NRXN1: variants seen among roughly 807,000 people sequenced by gnomAD.
The protein encoded by NRXN1 is neurexin 1.
Under a neutral mutation model 150.9 loss-of-function variants are expected in NRXN1, and 39 were observed. The ratio of observed to expected loss-of-function variants is 0.26; its 90% confidence interval spans 0.20 to 0.34. The LOEUF is 0.34. Among genes scored for constraint, NRXN1 ranks in the 10% least tolerant of loss-of-function variants. The pLI, the probability that NRXN1 is intolerant of heterozygous loss-of-function variation, is 1.00. For synonymous variants in NRXN1, 924 were observed against 757.0 expected (o/e 1.22, Z -3.62); for missense variants, 1,815 against 1,949.9 (o/e 0.93, Z 1.30).
chr2:50,512,842 A>G (rs960285996), intron 12 of NRXN1, among the ~76,000 whole-genome samples: 2 of 152,196 alleles, frequency 1.3e-5, no homozygotes, highest in African/African-American at 4.8e-5. Flanking sequence ...TACAATTTAC[A>G]AAGAACCTCA....
At chr2:50,638,199 A>T (rs950309066) in intron 5 of NRXN1, among the ~76,000 whole-genome samples, 1 of 152,142 alleles carries the variant, frequency 6.6e-6, no homozygotes, top group African/African-American at 2.4e-5. Context: ...TTTCTACAAG[A>T]GTATATTTCC....
intron 2 of NRXN1, among the ~76,000 whole-genome samples, chr2:51,002,695 C>A (rs959393252): frequency 6.6e-6 from 1 of 151,862 alleles, no homozygotes; most frequent in Admixed American, 6.6e-5. Context: ...TTACATCATA[C>A]ATGCAAGATG....
At chr2:50,964,130 A>C (rs1273379610) in intron 2 of NRXN1, 2 of 293,200 alleles carry the variant, frequency 6.8e-6, no homozygotes, top group African/African-American at 4.4e-5. Context: ...TTGTCATCTC[A>C]ACTATTGATA....
At chr2:50,926,335 T>A (rs995054304) in intron 2 of NRXN1, among the ~76,000 whole-genome samples, 2 of 151,942 alleles carry the variant, frequency 1.3e-5, no homozygotes, top group African/African-American at 4.8e-5. Flanking sequence ...TATTTCCACA[T>A]ACTGATTTGG....
intron 5 of NRXN1, among the ~76,000 whole-genome samples, chr2:50,646,408 C>G (rs1406783147): frequency 1.3e-5 from 2 of 151,976 alleles, no homozygotes; most frequent in Non-Finnish European, 2.9e-5. Context: ...TGTTTAGTGA[C>G]TGGGGTGACT....
intron 8 of NRXN1, among the ~76,000 whole-genome samples, chr2:50,561,522 T>C (rs1669079399): frequency 6.6e-6 from 1 of 152,232 alleles, no homozygotes; most frequent in East Asian, 1.9e-4. Flanking sequence ...AATAATGTAT[T>C]GGGGACTTCA....
intron 18 of NRXN1, among the ~76,000 whole-genome samples, chr2:50,187,403 A>G (rs1199860385): frequency 6.6e-6 from 1 of 152,144 alleles, no homozygotes; most frequent in Admixed American, 6.6e-5. Flanking sequence ...GGTTTAGTGA[A>G]GAAGAGATTT....
chr2:50,236,893 G>A lies in NRXN1; in HGVS notation c.3442C>T (p.Arg1148Ter), dbSNP rs774740761. 6.2e-7 allele frequency: 1 copy of A among 1,613,308 alleles called. No homozygotes were observed. Reference sequence around the variant, plus strand: ...AAACCTATGGCCAGTCTGTCTGCTCGTGTACTGGGTCGGTCATTAGGAGGC... The same window carrying A: ...AAACCTATGGCCAGTCTGTCTGCTCATGTACTGGGTCGGTCATTAGGAGGC... ...KWPPNDRPST[R>*]ADRLAIGFST... is the part of the protein sequence containing the mutation. The change falls in exon 18 of 23, where the codon CGA becomes TGA. Residue 1148 changes from arginine to a stop codon, truncating the protein, a stop_gained. Coordinates refer to ENST00000401669, the MANE Select transcript of NRXN1 (RefSeq NM_001330078.2). LOFTEE classifies it high-confidence loss of function.
At chr2:50,306,156 A>T (rs1165688232) in intron 17 of NRXN1, among the ~76,000 whole-genome samples, 1 of 152,208 alleles carries the variant, frequency 6.6e-6, no homozygotes, top group Non-Finnish European at 1.5e-5. Context: ...AGATTAATCT[A>T]TTGGGGAGTT....
intron 2 of NRXN1, among the ~76,000 whole-genome samples, chr2:51,013,082 C>T (rs1265281787): frequency 6.6e-6 from 1 of 151,958 alleles, no homozygotes; most frequent in Non-Finnish European, 1.5e-5. Context: ...AACATCACAC[C>T]TGGTGGAGGT....
chr2:50,139,312 G>A (rs1347169820), intron 18 of NRXN1, among the ~76,000 whole-genome samples: 3 of 135,418 alleles, frequency 2.2e-5, no homozygotes, highest in African/African-American at 5.8e-5. Flanking sequence ...GCAACAGAGC[G>A]AGACTTGGTA....
At chr2:50,958,935 A>G (rs1021384264) in intron 2 of NRXN1, among the ~76,000 whole-genome samples, 1 of 152,116 alleles carries the variant, frequency 6.6e-6, no homozygotes, top group Non-Finnish European at 1.5e-5. Context: ...ATTGCATTCT[A>G]CATCCTACTT....
At chr2:50,367,421 C>T (rs1446339447) in intron 17 of NRXN1, among the ~76,000 whole-genome samples, 2 of 151,888 alleles carry the variant, frequency 1.3e-5, no homozygotes, top group Non-Finnish European at 2.9e-5. Flanking sequence ...GTGCAGCCTG[C>T]CATACATTCT....
At chr2:50,866,732 G>T (rs1676992361) in intron 5 of NRXN1, among the ~76,000 whole-genome samples, 1 of 151,852 alleles carries the variant, frequency 6.6e-6, no homozygotes, top group Admixed American at 6.6e-5. Flanking sequence ...AAAAAATTGG[G>T]TTAGTATTAG....
chr2:50,930,172 T>C (rs779667881), intron 2 of NRXN1, among the ~76,000 whole-genome samples: 4 of 152,002 alleles, frequency 2.6e-5, no homozygotes, highest in Non-Finnish European at 4.4e-5. Flanking sequence ...CTAGGAAATA[T>C]ATGGAGTCAA....
chr2:50,074,072 A>G (rs1156768930), intron 19 of NRXN1, among the ~76,000 whole-genome samples: 1 of 152,156 alleles, frequency 6.6e-6, no homozygotes. Context: ...TTATTTGGCT[A>G]GTCTTTAAAA....
chr2:50,309,360 T>C (rs1213132569), intron 17 of NRXN1, among the ~76,000 whole-genome samples: 1 of 152,190 alleles, frequency 6.6e-6, no homozygotes, highest in African/African-American at 2.4e-5. Flanking sequence ...CTTCCATTGG[T>C]ATCTCTGACA....
chr2:50,624,906 G>C (rs566791893), intron 5 of NRXN1: 1 of 152,064 alleles, frequency 6.6e-6, no homozygotes, highest in Non-Finnish European at 1.5e-5. Flanking sequence ...CTGATGAGGT[G>C]AGTTGAACCA....
At chr2:50,002,441 G>C (rs1188858245) in intron 21 of NRXN1, among the ~76,000 whole-genome samples, 3 of 152,020 alleles carry the variant, frequency 2.0e-5, no homozygotes, top group Non-Finnish European at 4.4e-5. Context: ...TCTCCTATAG[G>C]CCCTATTTTA....
Sources: allele counts gnomAD v4.1 joint callset (sites outside exome capture counted in the v4.1 genomes callset), GRCh38; gene constraint gnomAD v4.1.1; transcripts MANE v1.5; gene names NCBI Gene and HGNC (gene_info 2026-07-23, HGNC 2026-07-21).